LETM1: variants seen among roughly 807,000 people sequenced by gnomAD.
LETM1 encodes the protein leucine zipper and EF-hand containing transmembrane protein 1, also known as mitochondrial proton/calcium exchanger protein.
Under a neutral mutation model 74.5 loss-of-function variants are expected in LETM1, and 50 were observed. The observed-to-expected ratio is 0.67, with a 90% confidence interval of 0.53 to 0.85. The LOEUF (loss-of-function observed/expected upper bound fraction) is 0.85. Ranked by LOEUF, LETM1 falls within the 40% of genes least tolerant of loss-of-function variation. LETM1 has a pLI of 0.00. For missense variants in LETM1, 824 were observed against 967.8 expected (o/e 0.85, Z 1.97); for synonymous variants, 446 against 407.1 (o/e 1.10, Z -1.15).
chr4:1,854,825 C>A (rs75234887), intron 1 of LETM1, among the ~76,000 whole-genome samples: 2 of 151,666 alleles, frequency 1.3e-5, no homozygotes, highest in Non-Finnish European at 2.9e-5. Flanking sequence ...CAAAAAAAAA[C>A]AAGAATTGGG....
In LETM1 at chr4:1,834,747, C is replaced by G; in HGVS notation, c.876+98G>C. On this transcript the variant is annotated intron_variant, in intron 5 of 13. Coordinates refer to ENST00000302787, the MANE Select transcript of LETM1 (RefSeq NM_012318.3). This position sits in a 1 kb window ranked among gnomAD's most constrained non-coding sequence, Gnocchi z 5.0. ...TAAACTTTCAAGCGCCAGCCAGCAC[C>G]TGGGGGAGCTCCACTCTGCTGAGCA... is the stretch of plus-strand genomic sequence containing the variant. The G allele has an allele frequency of 6.5e-7, 1 of 1,549,936 alleles. No homozygotes were observed. The highest frequency in any genetic ancestry group is 8.7e-7 in the Non-Finnish European group (1 of 1,146,632).
intron 1 of LETM1, among the ~76,000 whole-genome samples, chr4:1,852,009 T>A (rs1713086186): frequency 6.6e-6 from 1 of 152,202 alleles, no homozygotes; most frequent in African/African-American, 2.4e-5. Context: ...AGCACAGGTG[T>A]CATCTGTGCC....
At chr4:1,814,643 A>T in intron 13 of LETM1, 70 bp from the exon 14 acceptor site, 1 of 1,400,332 alleles carries the variant, frequency 7.1e-7, no homozygotes, top group Non-Finnish European at 1.0e-6. Context: ...AGGCGGGGCC[A>T]GCGCCGTCAG....
At chr4:1,842,080 C>T in intron 2 of LETM1, among the ~76,000 whole-genome samples, 1 of 152,170 alleles carries the variant, frequency 6.6e-6, no homozygotes, top group East Asian at 1.9e-4. Flanking sequence ...CAAACACAAT[C>T]AGCAAAGGCT....
At chr4:1,838,480 C>T (rs1712566205) in intron 3 of LETM1, among the ~76,000 whole-genome samples, 1 of 151,986 alleles carries the variant, frequency 6.6e-6, no homozygotes, top group Non-Finnish European at 1.5e-5. Flanking sequence ...AGTTTGAGAC[C>T]AACCTTGGCA....
intron 6 of LETM1, among the ~76,000 whole-genome samples, chr4:1,828,239 A>C (rs1198658558): frequency 8.1e-5 from 5 of 61,620 alleles, no homozygotes; most frequent in African/African-American, 1.2e-4. Context: ...ACCGCCCCCC[A>C]CCTCCCTCCC....
chr4:1,841,700 G>A lies in LETM1; in HGVS notation c.241C>T (p.Arg81Cys), dbSNP rs139973539. The A allele has an allele frequency of 4.6e-5, 74 of 1,614,072 alleles. No individual in the cohort carries two copies. Among genetic ancestry groups the A allele is most frequent in the East Asian group, 2.0e-4 (9 of 44,898 alleles). ...GTCCATGGCGCTCTCGACACTATGC[G>A]AAGGCACTCGGGCCTCAGAGCCCAA... ...GCWALRPECL[R>C]IVSRAPWTST... Residue 81 changes from arginine (R) to cysteine (C), a missense_variant, in exon 3 of 14, where the codon CGC (arginine) becomes TGC (cysteine). Arg to Cys is a radical substitution (Grantham distance 180). This residue lies in a region of LETM1 where 222 missense variants were observed against 195.6 expected (regional missense o/e 1.14). Transcript: ENST00000302787.
intron 6 of LETM1, among the ~76,000 whole-genome samples, chr4:1,829,235 C>T (rs1390183771): frequency 7.5e-5 from 11 of 146,954 alleles, no homozygotes; most frequent in Admixed American, 2.0e-4. Flanking sequence ...CCCCCCACCT[C>T]CCTCCCGGAC....
At chr4:1,851,535 G>A (rs1713072061) in intron 1 of LETM1, among the ~76,000 whole-genome samples, 1 of 152,234 alleles carries the variant, frequency 6.6e-6, no homozygotes, top group African/African-American at 2.4e-5. Context: ...TCCGGTCTGT[G>A]AACTGGGAGC....
intron 12 of LETM1, among the ~76,000 whole-genome samples, chr4:1,816,482 C>T (rs1488207938): frequency 2.6e-5 from 4 of 151,658 alleles, no homozygotes; most frequent in Non-Finnish European, 4.4e-5. Context: ...GAGGTTGGAG[C>T]GGGAGGAGAG....
intron 2 of LETM1, among the ~76,000 whole-genome samples, chr4:1,845,597 G>C (rs958081507): frequency 6.7e-6 from 1 of 149,324 alleles, no homozygotes; most frequent in Non-Finnish European, 1.5e-5. Flanking sequence ...ATCCAGGCTG[G>C]AGTGCAGTGG....
Position 1,822,236 on chromosome 4 carries a change from G to A in LETM1, c.1553C>T (p.Thr518Ile). The A allele has an allele frequency of 4.5e-6, 7 of 1,546,464 alleles. No individual in the cohort carries two copies. The highest frequency in any genetic ancestry group is 1.8e-5 in the Admixed American group (1 of 54,526). ...CTTCAAGGTCTCTGACTGCAGGACT[G>A]TGTCAGGCATTTCTGGCTGTGGCTC... ...GTEPQPEMPD[T>I]VLQSETLKDT... Residue 518 changes from threonine to isoleucine, a missense_variant, in exon 10 of 14, where the codon ACA (threonine) becomes ATA (isoleucine). By Grantham distance (89) the Thr-to-Ile change is moderately conservative (BLOSUM62 -1). Coordinates refer to ENST00000302787, the MANE Select transcript of LETM1 (RefSeq NM_012318.3).
chr4:1,823,602 C>T, intron 8 of LETM1, 42 bp downstream of exon 8: 1 of 1,610,532 alleles, frequency 6.2e-7, no homozygotes, highest in Non-Finnish European at 8.5e-7. Flanking sequence ...GCGGAGCCAC[C>T]TATGAAGAGA....
chr4:1,829,981 C>T (rs1259678865), intron 6 of LETM1, among the ~76,000 whole-genome samples: 1 of 152,192 alleles, frequency 6.6e-6, no homozygotes, highest in African/African-American at 2.4e-5. Context: ...TTGGATTTAT[C>T]CTACTCAGGG....
chr4:1,849,267 C>G, intron 1 of LETM1, 58 bp from the exon 2 acceptor site: 3 of 1,283,346 alleles, frequency 2.3e-6, no homozygotes, highest in South Asian at 2.4e-5. Context: ...ATACTGATAC[C>G]TTTTTTTGTT....
intron 9 of LETM1, 28 bp from the exon 10 acceptor site, chr4:1,822,340 C>A (rs377099739): frequency 3.5e-6 from 5 of 1,444,962 alleles, no homozygotes; most frequent in South Asian, 1.5e-5. Context: ...ACCAGCCCAG[C>A]GCCCGCCATC....
intron 1 of LETM1, among the ~76,000 whole-genome samples, chr4:1,851,024 ATT>A (rs1468087644): frequency 1.3e-5 from 2 of 152,086 alleles, no homozygotes; most frequent in African/African-American, 4.8e-5. Flanking sequence ...TGTACAGCAC[ATT>A]TTTAGGATTT....
In LETM1 at chr4:1,812,028, C is replaced by T. The variant is rs1722484071; in HGVS notation, c.*2396G>A. The T allele has an allele frequency of 6.6e-6, 1 of 152,046 alleles. No individual in the cohort carries two copies. The highest frequency in any genetic ancestry group is 2.4e-5 in the African/African-American group (1 of 41,384). 9.4% of individuals were successfully genotyped at this position (152,046 alleles called of 1,614,324 possible). On this transcript the variant is annotated 3_prime_UTR_variant, in exon 14 of 14. Transcript: ENST00000302787. The stretch of plus-strand genomic sequence containing the variant: ...CCTGGCTAACACGGTAAAACACTGT[C>T]TCTAATAAAAATACAAAAAAATTAG...
Position 1,832,936 on chromosome 4 carries a change from T to G in LETM1, c.888A>C (p.Thr296=). 2.5e-6 allele frequency: 4 copies of G among 1,611,664 alleles called. No homozygotes were observed. Among genetic ancestry groups the G allele is most frequent in the Non-Finnish European group, 3.4e-6 (4 of 1,179,566 alleles). Residue 296 remains threonine, a synonymous_variant, in exon 6 of 14, where the codon ACA becomes ACC. Transcript: ENST00000302787. ...FSVFFQKIRE[T]GERPSNEEIM... ...TTTCCTCATTGCTGGGCCTCTCCCC[T>G]GTTTCCCGGATCTGCGGAAGTGGTC...
Sources: allele counts gnomAD v4.1 joint callset (sites outside exome capture counted in the v4.1 genomes callset), GRCh38; gene constraint gnomAD v4.1.1; regional missense constraint gnomAD v4.1.1; non-coding constraint Gnocchi (gnomAD v3.1); transcripts MANE v1.5; gene names NCBI Gene and HGNC (gene_info 2026-07-23, HGNC 2026-07-21).